The following TMEM45A variants were observed in gnomAD, a reference collection of about 807,000 sequenced individuals.
The protein encoded by TMEM45A is transmembrane protein 45A, also known as DNA polymerase-transactivated protein 4.
A neutral mutation model predicts 32.0 loss-of-function variants in TMEM45A; 25 were observed. The ratio of observed to expected loss-of-function variants is 0.78; its 90% CI spans 0.57 to 1.09. TMEM45A has a LOEUF of 1.09. Among genes scored for constraint, TMEM45A ranks in the 50% least tolerant of loss-of-function variants. TMEM45A has a pLI of 0.00. For missense variants in TMEM45A, 302 were observed against 325.0 expected (o/e 0.93, Z 0.54); for synonymous variants, 122 against 114.8 (o/e 1.06, Z -0.40).
At chr3:100,520,509 C>T (rs1195279957) in intron 1 of TMEM45A, among the ~76,000 whole-genome samples, 4 of 152,132 alleles carry the variant, frequency 2.6e-5, no homozygotes, top group Admixed American at 2.0e-4. Context: ...TTGCTGGGTT[C>T]TGGAAATGAT....
chr3:100,534,201 A>G (rs1034153711), intron 1 of TMEM45A, among the ~76,000 whole-genome samples: 88 of 152,260 alleles, frequency 5.8e-4, no homozygotes, highest in African/African-American at 2.1e-3. Context: ...TGTCATTCCT[A>G]AGAGGGTTGT....
Position 100,555,468 on chromosome 3 carries a change from G to C in TMEM45A, c.190+67G>C. 2.8e-6 allele frequency: 4 copies of C among 1,443,156 alleles called. No homozygotes were observed. In the South Asian group the frequency reaches 5.9e-5, roughly 21 times the overall value. 89.4% of individuals were successfully genotyped at this position (1,443,156 alleles called of 1,614,324 possible). On this transcript the variant is annotated intron_variant, in intron 2 of 5. Coordinates refer to ENST00000323523, the MANE Select transcript of TMEM45A (RefSeq NM_018004.3). ...TTTTCATTCTTTTAAAGAATTGGTT[G>C]GAGCTTCTGAAATAATTTTATATCA...
chr3:100,575,238 G>C (rs1576299254), intron 5 of TMEM45A, among the ~76,000 whole-genome samples: 1 of 152,034 alleles, frequency 6.6e-6, no homozygotes, highest in Non-Finnish European at 1.5e-5. Flanking sequence ...GCTTTGCCTA[G>C]TTCTTATGAC....
At chr3:100,555,610 A>G (rs1706204464) in intron 2 of TMEM45A, among the ~76,000 whole-genome samples, 1 of 152,214 alleles carries the variant, frequency 6.6e-6, no homozygotes, top group Admixed American at 6.5e-5. Flanking sequence ...TAGGCTGTAG[A>G]AGACTTTAGC....
rs138091272 is a variant in TMEM45A at position 100,560,716 on chromosome 3, C to T, written c.588+2127C>T. Among the ~76,000 whole-genome samples, 365 of 151,888 alleles carry T rather than the reference C, an allele frequency of 2.4e-3. 2 individuals carry two copies. Among genetic ancestry groups the T allele is most frequent in the African/African-American group, 8.5e-3 (352 of 41,380 alleles). ...TTACTAGATCAAGTTTGTTAAAAAG[C>T]GAAATATTCAAATAAAGAAAGGCAG... On this transcript the variant is annotated intron_variant, in intron 4 of 5. Coordinates refer to ENST00000323523, the MANE Select transcript of TMEM45A (RefSeq NM_018004.3).
intron 1 of TMEM45A, among the ~76,000 whole-genome samples, chr3:100,529,293 T>C (rs969917135): frequency 1.3e-5 from 2 of 152,212 alleles, no homozygotes; most frequent in Non-Finnish European, 2.9e-5. Flanking sequence ...CATTCTTTCT[T>C]TCACTGGGCA....
chr3:100,571,036 T>A (rs368824128), intron 5 of TMEM45A: 3 of 152,290 alleles, frequency 2.0e-5, no homozygotes, highest in East Asian at 3.9e-4. Context: ...GTAGCAACTA[T>A]GCGGTTTACA....
At position 100,537,276 on chromosome 3, in the gene TMEM45A, C is replaced by G. The variant is rs546041887; in HGVS notation, c.-3-17933C>G. On this transcript the variant is annotated intron_variant, in intron 1 of 5. Coordinates refer to ENST00000323523, the MANE Select transcript of TMEM45A (RefSeq NM_018004.3). The stretch of plus-strand genomic sequence containing the variant: ...TAGATTGAATTTCATGGTGTAACCT[C>G]TGGGGGAAAGACGTCTTCTAGTGGG... Among the ~76,000 whole-genome samples, 3 of 152,090 alleles carry G rather than the reference C, an allele frequency of 2.0e-5. No individual in the cohort carries two copies. The East Asian group carries it at 5.8e-4, about 29-fold the overall frequency.
At chr3:100,560,649 AG>A (rs1706313902) in intron 4 of TMEM45A, among the ~76,000 whole-genome samples, 3 of 152,348 alleles carry the variant, frequency 2.0e-5, no homozygotes, top group African/African-American at 7.2e-5. Context: ...ATGTAGTCAA[AG>A]GAAAGTATAT....
At chr3:100,512,447 C>G (rs1042046640) in intron 1 of TMEM45A, among the ~76,000 whole-genome samples, 4 of 152,122 alleles carry the variant, frequency 2.6e-5, no homozygotes, top group African/African-American at 9.7e-5. Flanking sequence ...ACACAACATA[C>G]CAGAATCTCT....
chr3:100,560,094 T>A (rs1297615962), intron 4 of TMEM45A, among the ~76,000 whole-genome samples: 1 of 152,138 alleles, frequency 6.6e-6, no homozygotes, highest in East Asian at 1.9e-4. Flanking sequence ...TCTTTGATTG[T>A]GTTTTTTTAT....
chr3:100,523,673 C>A (rs1207940925), intron 1 of TMEM45A, among the ~76,000 whole-genome samples: 1 of 144,770 alleles, frequency 6.9e-6, no homozygotes, highest in Non-Finnish European at 1.5e-5. Context: ...TCTTCCTCCT[C>A]CCCCTCCTTT....
At chr3:100,507,132 G>A (rs931507416) in intron 1 of TMEM45A, among the ~76,000 whole-genome samples, 1 of 152,142 alleles carries the variant, frequency 6.6e-6, no homozygotes, top group African/African-American at 2.4e-5. Context: ...GATTTGGAAG[G>A]TTTTAAATTT....
intron 1 of TMEM45A, among the ~76,000 whole-genome samples, chr3:100,524,592 A>G (rs1705505062): frequency 6.6e-6 from 1 of 152,160 alleles, no homozygotes; most frequent in African/African-American, 2.4e-5. Context: ...GCTAGTCCCA[A>G]TTGAGATGTG....
chr3:100,503,637 G>C lies in TMEM45A; in HGVS notation c.-4+10709G>C, dbSNP rs74848487. Among the ~76,000 whole-genome samples the C allele has an allele frequency of 1.3e-3, 199 of 152,344 alleles. 6 individuals are homozygous for C. The East Asian group carries it at 0.036, about 28-fold the overall frequency. On this transcript the variant is annotated intron_variant, in intron 1 of 5. Coordinates refer to ENST00000323523, the MANE Select transcript of TMEM45A (RefSeq NM_018004.3). Reference sequence around the variant, plus strand: ...TTTGTCCAATGTAAGATACTTTGCAGAAGTGAGTGATTCTGTGACCACAAT... The same window carrying C: ...TTTGTCCAATGTAAGATACTTTGCACAAGTGAGTGATTCTGTGACCACAAT...
chr3:100,520,144 A>G (rs1705407973), intron 1 of TMEM45A, among the ~76,000 whole-genome samples: 1 of 152,202 alleles, frequency 6.6e-6, no homozygotes, highest in Admixed American at 6.5e-5. Context: ...ATAAGTCAGT[A>G]ATTATGGGTA....
chr3:100,575,107 T>C (rs895357780), intron 5 of TMEM45A, among the ~76,000 whole-genome samples: 1 of 151,876 alleles, frequency 6.6e-6, no homozygotes, highest in East Asian at 1.9e-4. Context: ...TTGTGAAGAG[T>C]GATATTGGTG....
chr3:100,534,969 A>C (rs1316221080), intron 1 of TMEM45A, among the ~76,000 whole-genome samples: 1 of 152,138 alleles, frequency 6.6e-6, no homozygotes, highest in Non-Finnish European at 1.5e-5. Flanking sequence ...TCAGCTCTGC[A>C]CTTCCCAATA....
At chr3:100,564,206 G>A (rs1183229273) in intron 4 of TMEM45A, among the ~76,000 whole-genome samples, 2 of 152,220 alleles carry the variant, frequency 1.3e-5, no homozygotes, top group African/African-American at 4.8e-5. Flanking sequence ...TTGGGAAAAT[G>A]TATGACTCTG....
Sources: gnomAD v4.1 joint callset for allele counts (sites outside exome capture counted in the v4.1 genomes callset) on GRCh38, gnomAD v4.1.1 for gene constraint, MANE v1.5 for transcripts, NCBI Gene and HGNC (gene_info 2026-07-23, HGNC 2026-07-21) for gene names.